The following ITPKC variants were observed in gnomAD, a reference collection of about 807,000 sequenced individuals.
ITPKC encodes the protein inositol-trisphosphate 3-kinase C.
A neutral mutation model predicts 67.1 loss-of-function variants in ITPKC; 33 were observed. That is an observed-to-expected ratio of 0.49 (90% CI 0.37 to 0.66). The LOEUF is 0.66. Among genes scored for constraint, ITPKC ranks in the 30% least tolerant of loss-of-function variants. The probability of loss-of-function intolerance (pLI) is 0.00; values close to 1 mark genes in which losing one functional copy is unlikely to be tolerated. For synonymous variants in ITPKC, 341 were observed against 359.8 expected (o/e 0.95, Z 0.59); for missense variants, 820 against 892.1 (o/e 0.92, Z 1.03).
intron 1 of ITPKC, among the ~76,000 whole-genome samples, chr19:40,720,820 G>T (rs1030238695): frequency 3.9e-5 from 6 of 152,026 alleles, no homozygotes; most frequent in African/African-American, 1.5e-4. Context: ...CAGCATACCC[G>T]TGCTTCCTTC....
chr19:40,718,180 C>A lies in ITPKC; in HGVS notation c.1045C>A (p.Arg349=), dbSNP rs778549880. The change falls in exon 1 of 7, where the codon CGG becomes AGG. Residue 349 remains arginine (R), a synonymous_variant. Coordinates refer to ENST00000263370, the MANE Select transcript of ITPKC (RefSeq NM_025194.3). Reference sequence around the variant, plus strand: ...GGCCCAGCCAGTGGGACCCCCCTCCCGGGTTGAGGGGGGCAGCGGCGGCTT... The same window carrying A: ...GGCCCAGCCAGTGGGACCCCCCTCCAGGGTTGAGGGGGGCAGCGGCGGCTT... The part of the protein sequence containing the change: ...PEAQPVGPPS[R]VEGGSGGFSS... 3.2e-6 allele frequency: 5 copies of A among 1,586,768 alleles called. No homozygotes were observed. The highest frequency in any genetic ancestry group is 4.3e-6 in the Non-Finnish European group (5 of 1,167,288).
Position 40,729,280 on chromosome 19 carries a change from T to G in ITPKC, c.1334T>G (p.Met445Arg). 6.2e-7 allele frequency: 1 copy of G among 1,614,182 alleles called. No homozygotes were observed. The highest frequency in any genetic ancestry group is 8.5e-7 in the Non-Finnish European group (1 of 1,180,032). Reference sequence around the variant, plus strand: ...GAGCAGCGCAGCCTGGAGCAGCTGATGAAAGACCCGCTGCGACCTTTCGTG... The same window carrying G: ...GAGCAGCGCAGCCTGGAGCAGCTGAGGAAAGACCCGCTGCGACCTTTCGTG... Reference protein sequence around the residue: ...QCEQRSLEQLMKDPLRPFVPA... With the variant: ...QCEQRSLEQLRKDPLRPFVPA... The change falls in exon 3 of 7, where the codon ATG (methionine) becomes AGG (arginine). Residue 445 changes from methionine (M) to arginine (R), a missense_variant. Met to Arg is a moderately conservative substitution (Grantham distance 91). Transcript: ENST00000263370.
Position 40,733,382 on chromosome 19 carries a change from C to T in ITPKC, c.1674+18C>T, listed in dbSNP as rs771727682. On this transcript the variant is annotated intron_variant, in intron 4 of 6. Coordinates refer to ENST00000263370, the MANE Select transcript of ITPKC (RefSeq NM_025194.3). ...GCATCAAGGTGAGGACCAGGAACCG[C>T]CTGGCCTGTCCCGGGAAGGCCTATA... 3 of 1,591,246 alleles carry T rather than the reference C, an allele frequency of 1.9e-6. No individual in the cohort carries two copies. Among genetic ancestry groups the T allele is most frequent in the South Asian group, 1.1e-5 (1 of 88,264 alleles).
rs553842983 is a variant in ITPKC at position 40,738,851 on chromosome 19, G to C, written c.1849-506G>C. ...CAGTGGATGCCGGAAACTGTGGATA[G>C]TACTGAACTATAGACTGTGTTTTCT... On this transcript the variant is annotated intron_variant, in intron 6 of 6. Coordinates refer to ENST00000263370, the MANE Select transcript of ITPKC (RefSeq NM_025194.3). Among the ~76,000 whole-genome samples, 5 of 152,266 alleles carry C rather than the reference G, an allele frequency of 3.3e-5. No homozygotes were observed. The South Asian group carries it at 1.0e-3, about 32-fold the overall frequency.
rs1336248833 is a variant in ITPKC at position 40,717,503 on chromosome 19, A to T, written c.368A>T (p.His123Leu). 9 of 1,614,128 alleles carry T rather than the reference A, an allele frequency of 5.6e-6. No homozygotes were observed. Among genetic ancestry groups the T allele is most frequent in the Non-Finnish European group, 6.8e-6 (8 of 1,180,008 alleles). ...TEPDRSSLRTHLEWSWSELET... is the reference protein window; with the variant it reads ...TEPDRSSLRTLLEWSWSELET... ...CCAGACAGGTCCAGCCTCCGGACGC[A>T]TCTAGAATGGAGCTGGTCAGAGCTG... Residue 123 changes from histidine to leucine, a missense_variant, in exon 1 of 7, where the codon CAT (histidine) becomes CTT (leucine). Transcript: ENST00000263370.
rs927491863 is a variant in ITPKC, at chr19:40,717,317, G to A, written c.182G>A (p.Arg61Gln). The stretch of plus-strand genomic sequence containing the variant: ...CCGGAGGGGGGCGGGCCCTGGGCCC[G>A]GACAGAGGGGTCCAGCCTCCACAGC... Reference protein sequence around the residue: ...GRPEGGGPWARTEGSSLHSEP... With the variant: ...GRPEGGGPWAQTEGSSLHSEP... Residue 61 changes from arginine to glutamine, a missense_variant, in exon 1 of 7, where the codon CGG (arginine) becomes CAG (glutamine). Arg to Gln is a conservative substitution (Grantham distance 43). Coordinates refer to ENST00000263370, the MANE Select transcript of ITPKC (RefSeq NM_025194.3). 4 of 1,581,148 alleles carry A rather than the reference G, an allele frequency of 2.5e-6. No homozygotes were observed. Among genetic ancestry groups the A allele is most frequent in the Non-Finnish European group, 3.4e-6 (4 of 1,166,964 alleles).
intron 4 of ITPKC, among the ~76,000 whole-genome samples, chr19:40,734,668 G>T (rs1055589317): frequency 6.6e-6 from 1 of 151,716 alleles, no homozygotes; most frequent in Admixed American, 6.6e-5. Flanking sequence ...GAGTGCCATG[G>T]CACAGTCTCA....
In ITPKC at chr19:40,733,157, C is replaced by T; in HGVS notation, c.1470-3C>T. 1 of 1,613,810 alleles carries T rather than the reference C, an allele frequency of 6.2e-7. No homozygotes were observed. Among genetic ancestry groups the T allele is most frequent in the Non-Finnish European group, 8.5e-7 (1 of 1,179,734 alleles). ...TCCTTTGTCACATCCTCTGTGTGCT[C>T]AGGACCTATCTGGAAGAGGAGCTAG... On this transcript the variant is annotated splice_polypyrimidine_tract_variant and splice_region_variant and intron_variant, in intron 3 of 6. Transcript: ENST00000263370.
At chr19:40,725,287 C>A in intron 1 of ITPKC, 53 bp from the exon 2 acceptor site, 2 of 1,185,342 alleles carry the variant, frequency 1.7e-6, no homozygotes, top group Non-Finnish European at 2.5e-6. Context: ...GCACCTCTAG[C>A]CCCTGCCTTC....
Position 40,737,759 on chromosome 19 carries a change from A to G in ITPKC, c.1838A>G (p.Lys613Arg), listed in dbSNP as rs2082301427. 1.2e-6 allele frequency: 2 copies of G among 1,613,962 alleles called. No homozygotes were observed. Among genetic ancestry groups the G allele is most frequent in the Admixed American group, 1.7e-5 (1 of 59,998 alleles). Reference sequence around the variant, plus strand: ...GCTCTGGAGATCTCCCCCTTCTTCAAGACCCACGAGGTGCGAGCCCTGGCT... The same window carrying G: ...GCTCTGGAGATCTCCCCCTTCTTCAGGACCCACGAGGTGCGAGCCCTGGCT... ...REALEISPFFKTHEVVGSSLL... is the reference protein window; with the variant it reads ...REALEISPFFRTHEVVGSSLL... The change falls in exon 6 of 7, where the codon AAG becomes AGG. Residue 613 changes from lysine (K) to arginine (R), a missense_variant. Physicochemically the swap from Lys to Arg is conservative, Grantham distance 26 (BLOSUM62 2). Around this residue, in one of 2 missense-constraint regions of ITPKC, gnomAD observed 339 missense variants for 422.0 expected, o/e 0.80. Coordinates refer to ENST00000263370, the MANE Select transcript of ITPKC (RefSeq NM_025194.3).
At chr19:40,727,361 TA>T (rs2082250981) in intron 2 of ITPKC, among the ~76,000 whole-genome samples, 1 of 151,324 alleles carries the variant, frequency 6.6e-6, no homozygotes, top group African/African-American at 2.4e-5. Context: ...TAAAATAAAA[TA>T]AAATAAATAC....
chr19:40,720,694 G>A (rs1036299290), intron 1 of ITPKC, among the ~76,000 whole-genome samples: 1 of 151,904 alleles, frequency 6.6e-6, no homozygotes, highest in Non-Finnish European at 1.5e-5. Flanking sequence ...TCCCAGAATC[G>A]ACTTCCTTCC....
intron 1 of ITPKC, among the ~76,000 whole-genome samples, chr19:40,724,516 C>T (rs180713768): frequency 2.7e-4 from 41 of 152,278 alleles, no homozygotes; most frequent in Admixed American, 1.2e-3. Flanking sequence ...GTCGCTGTCT[C>T]TGTCTCTCTG....
At chr19:40,724,304 C>T (rs1467806238) in intron 1 of ITPKC, among the ~76,000 whole-genome samples, 1 of 152,136 alleles carries the variant, frequency 6.6e-6, no homozygotes, top group Non-Finnish European at 1.5e-5. Context: ...ATGGGAGCAT[C>T]GCTTGAGTCC....
At chr19:40,724,052 G>A (rs887357542) in intron 1 of ITPKC, among the ~76,000 whole-genome samples, 2 of 152,156 alleles carry the variant, frequency 1.3e-5, no homozygotes, top group Non-Finnish European at 2.9e-5. Context: ...AACAAACGTG[G>A]CGAGTCATAA....
In ITPKC at chr19:40,717,882, C is replaced by T; in HGVS notation, c.747C>T (p.Ser249=). The T allele has an allele frequency of 6.2e-7, 1 of 1,613,994 alleles. No individual in the cohort carries two copies. The highest frequency in any genetic ancestry group is 8.5e-7 in the Non-Finnish European group (1 of 1,179,978). The part of the protein sequence containing the change: ...GPWTEPYTDG[S]QKKQDTEAAR... ...GGACAGAGCCATATACTGATGGCTCCCAGAAAAAACAGGATACTGAAGCAG... is the reference window on the plus strand; with the variant it reads ...GGACAGAGCCATATACTGATGGCTCTCAGAAAAAACAGGATACTGAAGCAG... Residue 249 remains serine (S), a synonymous_variant, in exon 1 of 7, where the codon TCC becomes TCT. Transcript: ENST00000263370.
At chr19:40,732,518 C>T (rs2082275881) in intron 3 of ITPKC, among the ~76,000 whole-genome samples, 1 of 52,458 alleles carries the variant, frequency 1.9e-5, no homozygotes, top group Admixed American at 3.1e-4. Context: ...CTCGGGCGGG[C>T]GTCAAAAAAA....
At chr19:40,723,094 T>A (rs1238131712) in intron 1 of ITPKC, among the ~76,000 whole-genome samples, 1 of 152,108 alleles carries the variant, frequency 6.6e-6, no homozygotes, top group Non-Finnish European at 1.5e-5. Flanking sequence ...CCCGAGTAGC[T>A]GGGACTGCAG....
chr19:40,723,121 C>T (rs1047182283), intron 1 of ITPKC, among the ~76,000 whole-genome samples: 3 of 152,036 alleles, frequency 2.0e-5, no homozygotes, highest in Non-Finnish European at 4.4e-5. Context: ...GCCACCATGC[C>T]CAGCTAATTT....
Sources: allele counts gnomAD v4.1 joint callset (sites outside exome capture counted in the v4.1 genomes callset), GRCh38; gene constraint gnomAD v4.1.1; regional missense constraint gnomAD v4.1.1; transcripts MANE v1.5; gene names NCBI Gene and HGNC (gene_info 2026-07-23, HGNC 2026-07-21).